Variants in NSUN3 observed in about 807,000 individuals in gnomAD.
NSUN3 encodes the protein NOP2/Sun RNA methyltransferase 3, also known as tRNA (cytosine(34)-C(5))-methyltransferase, mitochondrial.
In NSUN3, 24 loss-of-function variants were observed where a neutral mutation model predicts 36.8. The observed-to-expected ratio is 0.65, with a 90% confidence interval of 0.47 to 0.92. The LOEUF (loss-of-function observed/expected upper bound fraction) is 0.92, where lower values mean the gene tolerates loss of function less well. Among genes scored for constraint, NSUN3 ranks in the 40% least tolerant of loss-of-function variants. NSUN3 has a pLI of 0.00. For synonymous variants in NSUN3, 146 were observed against 145.2 expected, an observed-to-expected ratio of 1.01 and a Z score of -0.04; for missense variants, 381 against 392.8, an observed-to-expected ratio of 0.97 and a Z score of 0.25.
At position 94,084,129 on chromosome 3, in the gene NSUN3, T is replaced by C. The variant is rs1471126108; in HGVS notation, c.145T>C (p.Cys49Arg). 13 of 1,613,750 alleles carry C rather than the reference T, an allele frequency of 8.1e-6. No individual in the cohort carries two copies. The highest frequency in any genetic ancestry group is 1.3e-5 in the African/African-American group (1 of 75,054). Reference protein sequence around the residue: ...TVREILTSPSCWQYAVLLNRF... With the variant: ...TVREILTSPSRWQYAVLLNRF... ...TAGGGAGATACTAACATCTCCATCA[T>C]GCTGGCAATATGCTGTCCTGCTTAA... The change falls in exon 3 of 6, where the codon TGC becomes CGC. Residue 49 changes from cysteine to arginine, a missense_variant. Cys to Arg is a radical substitution (Grantham distance 180). Transcript: ENST00000314622.
At chr3:94,099,637 A>G (rs2077356862) in intron 5 of NSUN3, among the ~76,000 whole-genome samples, 1 of 152,050 alleles carries the variant, frequency 6.6e-6, no homozygotes, top group African/African-American at 2.4e-5. Context: ...CCTTGGCTAT[A>G]TGATTATGAT....
chr3:94,094,026 C>G, intron 3 of NSUN3, 114 bp from the exon 4 acceptor site: 1 of 732,042 alleles, frequency 1.4e-6, no homozygotes, highest in Non-Finnish European at 2.2e-6. Flanking sequence ...CCTCTGAGCC[C>G]TATTTCTGCA....
intron 5 of NSUN3, among the ~76,000 whole-genome samples, chr3:94,102,214 A>AC (rs1008945511): frequency 3.3e-5 from 5 of 151,122 alleles, no homozygotes; most frequent in South Asian, 2.1e-4. Flanking sequence ...AAAAAAAAAA[A>AC]AAAAAAAAAA....
rs1029809040 is a variant in NSUN3 at position 94,076,821 on chromosome 3, C to T, written c.123-7286C>T. Reference sequence around the variant, plus strand: ...TCTCCTTCATGGTTGATCTTGATTTCTATTTCAATTTTTCCACTAACTGAA... The same window carrying T: ...TCTCCTTCATGGTTGATCTTGATTTTTATTTCAATTTTTCCACTAACTGAA... On this transcript the variant is annotated intron_variant, in intron 2 of 5. Transcript: ENST00000314622. 3.8e-6 allele frequency: 6 copies of T among 1,584,042 alleles called. No homozygotes were observed. In the African/African-American group the frequency reaches 8.1e-5, roughly 21 times the overall value.
rs13095871 is a variant in NSUN3 at position 94,130,637 on chromosome 3, C to G, written c.*4147C>G. 0.064 allele frequency among the ~76,000 whole-genome samples: 9,788 copies of G among 152,234 alleles called. 555 individuals carry two copies. The highest frequency in any genetic ancestry group is 0.15 in the African/African-American group (6,167 of 41,514). On this transcript the variant is annotated 3_prime_UTR_variant, in exon 6 of 6. Transcript: ENST00000314622. Reference sequence around the variant, plus strand: ...GTCTTTCTGCATGGCCTCCTCATCCCCATCCCAGGGGAGAACGTGAATGTT... The same window carrying G: ...GTCTTTCTGCATGGCCTCCTCATCCGCATCCCAGGGGAGAACGTGAATGTT...
At chr3:94,069,233 T>A (rs2077216282) in intron 2 of NSUN3, among the ~76,000 whole-genome samples, 1 of 152,210 alleles carries the variant, frequency 6.6e-6, no homozygotes, top group Non-Finnish European at 1.5e-5. Context: ...ATAACAAATC[T>A]GGACATAAAT....
chr3:94,064,953 C>A (rs535505703), intron 2 of NSUN3, among the ~76,000 whole-genome samples: 114 of 152,228 alleles, frequency 7.5e-4, no homozygotes, highest in African/African-American at 2.7e-3. Flanking sequence ...CAAAGGTACA[C>A]TTTATTTGGT....
chr3:94,065,415 T>C (rs1174182001), intron 2 of NSUN3, among the ~76,000 whole-genome samples: 2 of 152,134 alleles, frequency 1.3e-5, no homozygotes, highest in South Asian at 2.1e-4. Flanking sequence ...GAAGGTGCAC[T>C]GTTCATGAAG....
intron 2 of NSUN3, among the ~76,000 whole-genome samples, chr3:94,077,596 A>G (rs1178848340): frequency 6.6e-6 from 1 of 152,132 alleles, no homozygotes; most frequent in African/African-American, 2.4e-5. Context: ...TAGGCTATTA[A>G]TTACTGCCTC....
At position 94,095,059 on chromosome 3, in the gene NSUN3, T is replaced by A. The variant is rs746014956; in HGVS notation, c.648T>A (p.Asn216Lys). Residue 216 changes from asparagine to lysine, a missense_variant, in exon 5 of 6, where the codon AAT (asparagine) becomes AAA (lysine). Transcript: ENST00000314622. ...DKVLVDAPCS[N>K]DRSWLFSSDS... ...TGTTAGTGGATGCTCCGTGTTCAAA[T>A]GATCGAAGCTGGTTGTTTTCTTCTG... The A allele has an allele frequency of 1.9e-6, 3 of 1,614,036 alleles. No individual in the cohort carries two copies. The highest frequency in any genetic ancestry group is 2.5e-6 in the Non-Finnish European group (3 of 1,179,920).
At chr3:94,090,698 C>T (rs2077311407) in intron 3 of NSUN3, among the ~76,000 whole-genome samples, 1 of 152,058 alleles carries the variant, frequency 6.6e-6, no homozygotes, top group African/African-American at 2.4e-5. Flanking sequence ...TTAAATGCAT[C>T]AATTATCTTT....
intron 2 of NSUN3, among the ~76,000 whole-genome samples, chr3:94,074,595 G>T (rs564426421): frequency 6.6e-6 from 1 of 152,176 alleles, no homozygotes; most frequent in African/African-American, 2.4e-5. Flanking sequence ...TCATGATTTG[G>T]CTGTCTGTTT....
chr3:94,109,698 A>T (rs969606774), intron 5 of NSUN3, among the ~76,000 whole-genome samples: 2 of 152,198 alleles, frequency 1.3e-5, no homozygotes, highest in Admixed American at 6.5e-5. Flanking sequence ...AATTTGGAAG[A>T]GCTGAAGGAA....
In NSUN3 at chr3:94,130,336, C is replaced by G. The variant is rs1433764305; in HGVS notation, c.*3846C>G. Among the ~76,000 whole-genome samples, 6 of 152,114 alleles carry G rather than the reference C, an allele frequency of 3.9e-5. No homozygotes were observed. Among genetic ancestry groups the G allele is most frequent in the African/African-American group, 1.4e-4 (6 of 41,410 alleles). ...AGCAGACCCTGCACAAAGTGGATATCAGAGTTAATACTGTGAAGAGACAAA... is the reference window on the plus strand; with the variant it reads ...AGCAGACCCTGCACAAAGTGGATATGAGAGTTAATACTGTGAAGAGACAAA... On this transcript the variant is annotated 3_prime_UTR_variant, in exon 6 of 6. Coordinates refer to ENST00000314622, the MANE Select transcript of NSUN3 (RefSeq NM_022072.5).
intron 5 of NSUN3, among the ~76,000 whole-genome samples, chr3:94,114,982 A>G (rs890674984): frequency 6.6e-6 from 1 of 152,098 alleles, no homozygotes; most frequent in African/African-American, 2.4e-5. Context: ...TCTAGTTTAA[A>G]GAAAGTGTAA....
intron 5 of NSUN3, among the ~76,000 whole-genome samples, chr3:94,116,985 C>CTTTTTTTTTTTTTTTTTT (rs60234250): frequency 1.6e-5 from 1 of 63,958 alleles, no homozygotes. Flanking sequence ...TCTGCCACAA[C>CTTTTTTTTTTTTTTTTTT]TTTTTTTTTT....
intron 2 of NSUN3, 87 bp from the exon 3 acceptor site, chr3:94,084,020 G>T: frequency 1.0e-6 from 1 of 953,994 alleles, no homozygotes; most frequent in South Asian, 1.7e-5. Context: ...TGTAAAACTA[G>T]GACCACATTC....
At position 94,114,224 on chromosome 3, in the gene NSUN3, T is replaced by C. The variant is rs115175746; in HGVS notation, c.744-11987T>C. The stretch of plus-strand genomic sequence containing the variant: ...TCAAATTCCAAACTTATTTTAGCAG[T>C]CATAGTATTTGCTTCAGGGCACATA... On this transcript the variant is annotated intron_variant, in intron 5 of 5. Transcript: ENST00000314622. Among the ~76,000 whole-genome samples, 1,168 of 152,326 alleles carry C rather than the reference T, an allele frequency of 7.7e-3. 13 individuals carry two copies. Among genetic ancestry groups the C allele is most frequent in the African/African-American group, 0.027 (1,103 of 41,560 alleles).
chr3:94,111,936 T>G (rs1395297051), intron 5 of NSUN3, among the ~76,000 whole-genome samples: 1 of 152,086 alleles, frequency 6.6e-6, no homozygotes, highest in Non-Finnish European at 1.5e-5. Flanking sequence ...TGCCTGTCTT[T>G]CTATCGAGAG....
Sources: allele counts gnomAD v4.1 joint callset (sites outside exome capture counted in the v4.1 genomes callset), GRCh38; gene constraint gnomAD v4.1.1; transcripts MANE v1.5; gene names NCBI Gene and HGNC (gene_info 2026-07-23, HGNC 2026-07-21).